Variants in KCP observed in about 807,000 individuals in gnomAD.
KCP encodes kielin cysteine rich BMP regulator.
In KCP, 194 loss-of-function variants were observed where a neutral mutation model predicts 212.7. The observed-to-expected ratio is 0.91, with a 90% CI of 0.81 to 1.03. The LOEUF is 1.03. KCP is among the 50% of genes least tolerant of loss of function. The probability of loss-of-function intolerance (pLI) is 0.00; values close to 1 mark genes in which losing one functional copy is unlikely to be tolerated. For synonymous variants in KCP, 833 were observed against 865.3 expected, an observed-to-expected ratio of 0.96 and a Z score of 0.65; for missense variants, 2,080 against 2,162.5, an observed-to-expected ratio of 0.96 and a Z score of 0.76.
chr7:128,908,791 T>A (rs1337167812), intron 1 of KCP, among the ~76,000 whole-genome samples: 1 of 152,102 alleles, frequency 6.6e-6, no homozygotes, highest in East Asian at 1.9e-4. Context: ...GGGTCTGGGG[T>A]CTGGCTGAGA....
Position 128,880,434 on chromosome 7 carries a change from G to C in KCP, c.3711C>G (p.Gly1237=). 6.5e-7 allele frequency: 1 copy of C among 1,546,854 alleles called. No individual in the cohort carries two copies. Among genetic ancestry groups the C allele is most frequent in the East Asian group, 2.5e-5 (1 of 40,772 alleles). ...DTCTSCSCMA[G]TVRCQSQRCS... ...AGCGCTGGCTCTGGCAACGCACGGT[G>C]CCCGCCATGCAGGAGCAGCTGGTGC... The change falls in exon 34 of 40, where the codon GGC becomes GGG. Residue 1237 remains glycine, a synonymous_variant. Coordinates refer to ENST00000610776, the MANE Select transcript of KCP (RefSeq NM_001366122.1).
intron 37 of KCP, chr7:128,879,068 A>T (rs993391083): frequency 5.4e-6 from 2 of 373,082 alleles, no homozygotes; most frequent in Admixed American, 4.2e-5. Flanking sequence ...AGGACAAAGC[A>T]CAATTAGGGT....
intron 16 of KCP, 131 bp downstream of exon 16, chr7:128,892,380 GTTC>G (rs1459060670): frequency 7.3e-6 from 5 of 682,574 alleles, no homozygotes; most frequent in Non-Finnish European, 1.2e-5. Flanking sequence ...GTTCCAGAGA[GTTC>G]TAAGCTCTGA....
chr7:128,903,908 G>C (rs1794988684), intron 6 of KCP, 88 bp from the exon 7 acceptor site: 4 of 1,388,248 alleles, frequency 2.9e-6, no homozygotes, highest in Non-Finnish European at 4.0e-6. Context: ...GGAGGAGGGG[G>C]GCACAGGGCA....
intron 22 of KCP, 151 bp downstream of exon 22, chr7:128,888,712 G>A: frequency 5.5e-6 from 4 of 728,742 alleles, no homozygotes; most frequent in Non-Finnish European, 8.9e-6. Flanking sequence ...AGCCGTGCCC[G>A]GGACCTCTAT....
Position 128,893,398 on chromosome 7 carries a change from G to A in KCP, c.1178C>T (p.Ser393Phe), listed in dbSNP as rs1794303860. 2 of 1,551,678 alleles carry A rather than the reference G, an allele frequency of 1.3e-6. No homozygotes were observed. Among genetic ancestry groups the A allele is most frequent in the Middle Eastern group, 1.7e-4 (1 of 5,992 alleles). ...AGCGGAGGGACCGCCTACCTGGCAGGAGCAGCGGACACAGAGGCCCCGCTC... is the reference window on the plus strand; with the variant it reads ...AGCGGAGGGACCGCCTACCTGGCAGAAGCAGCGGACACAGAGGCCCCGCTC... ...LQERGLCVRC[S>F]CQAGEVSCEE... The change falls in exon 12 of 40, where the codon TCC becomes TTC. Residue 393 changes from serine (S) to phenylalanine (F), a missense_variant. By Grantham distance (155) the Ser-to-Phe change is radical (BLOSUM62 -2). Transcript: ENST00000610776.
intron 8 of KCP, among the ~76,000 whole-genome samples, chr7:128,901,325 T>A (rs78066406): frequency 0.072 from 11,019 of 152,248 alleles, 1,091 homozygotes; most frequent in African/African-American, 0.22. Flanking sequence ...ATTCCTCTAC[T>A]TTCTTAATAA....
intron 1 of KCP, among the ~76,000 whole-genome samples, chr7:128,909,393 A>G (rs1244575955): frequency 1.3e-5 from 2 of 152,172 alleles, no homozygotes; most frequent in South Asian, 2.1e-4. Context: ...TCTCACAGAC[A>G]CTAGGCCTGT....
At chr7:128,902,745 G>C (rs1794923810) in intron 8 of KCP, 32 bp downstream of exon 8, 1 of 1,538,094 alleles carries the variant, frequency 6.5e-7, no homozygotes. Context: ...GGGCAGGGAG[G>C]GGGACAGACC....
At chr7:128,908,005 T>C (rs1266010697) in intron 2 of KCP, among the ~76,000 whole-genome samples, 1 of 151,698 alleles carries the variant, frequency 6.6e-6, no homozygotes, top group Admixed American at 6.6e-5. Context: ...GGTGCACACT[T>C]GTAGTCCCAA....
In KCP at chr7:128,883,530, C is replaced by T. The variant is rs547321855; in HGVS notation, c.3244+472G>A. Reference sequence around the variant, plus strand: ...TAGGACCAGAAACAGAAAAAAATTCCCTCCACAACAAATGTAAAATGGCTG... The same window carrying T: ...TAGGACCAGAAACAGAAAAAAATTCTCTCCACAACAAATGTAAAATGGCTG... On this transcript the variant is annotated intron_variant, in intron 29 of 39. Coordinates refer to ENST00000610776, the MANE Select transcript of KCP (RefSeq NM_001366122.1). 7.2e-5 allele frequency among the ~76,000 whole-genome samples: 11 copies of T among 152,238 alleles called. No individual in the cohort carries two copies. In the East Asian group the frequency reaches 1.7e-3, roughly 24 times the overall value.
Position 128,908,431 on chromosome 7 carries a change from C to A in KCP, c.214G>T (p.Glu72Ter). 1 of 1,551,412 alleles carries A rather than the reference C, an allele frequency of 6.4e-7. No individual in the cohort carries two copies. Residue 72 changes from glutamate to a stop codon, truncating the protein, a stop_gained, in exon 2 of 40, where the codon GAA becomes TAA. Coordinates refer to ENST00000610776, the MANE Select transcript of KCP (RefSeq NM_001366122.1). LOFTEE classifies it high-confidence loss of function. ...CAGCACTGTCTCCATGGTACCTGTT[C>A]TCTGAGCTCCATCACTGCAGCCTCC... ...RLEAAVMELR[E>*]QNKDLQTRVR...
chr7:128,894,425 A>G (rs985570655), intron 8 of KCP, 132 bp from the exon 9 acceptor site: 3 of 674,454 alleles, frequency 4.4e-6, no homozygotes, highest in Admixed American at 6.1e-5. Flanking sequence ...CCCCAAATCC[A>G]TATGTTGAAC....
intron 6 of KCP, 84 bp downstream of exon 6, chr7:128,903,972 C>G: frequency 7.2e-7 from 1 of 1,395,948 alleles, no homozygotes; most frequent in Non-Finnish European, 9.9e-7. Context: ...TGTGAGGGGG[C>G]TGGAGGAGTG....
Position 128,886,169 on chromosome 7 carries a change from G to A in KCP, c.2866+295C>T, listed in dbSNP as rs1034981573. Among the ~76,000 whole-genome samples the A allele has an allele frequency of 3.9e-5, 6 of 152,330 alleles. 1 individual carries two copies. The highest frequency in any genetic ancestry group is 1.4e-4 in the African/African-American group (6 of 41,572). On this transcript the variant is annotated intron_variant, in intron 26 of 39. Transcript: ENST00000610776. ...TGCAGCCTCAAACTCCTGGGTTCAA[G>A]TGATCCTCCCACCTTGGCCTCCCAA...
At chr7:128,878,287 A>T (rs1000680947) in intron 38 of KCP, among the ~76,000 whole-genome samples, 2 of 151,750 alleles carry the variant, frequency 1.3e-5, no homozygotes, top group Admixed American at 6.6e-5. Context: ...CAAACTCCCA[A>T]CCTCAGGTGA....
At chr7:128,889,187 G>A (rs1473760505) in intron 21 of KCP, 148 bp from the exon 22 acceptor site, 5 of 366,616 alleles carry the variant, frequency 1.4e-5, no homozygotes, top group Non-Finnish European at 2.2e-5. Flanking sequence ...AAGCCCAGGG[G>A]GCAAAGCAGT....
intron 21 of KCP, chr7:128,889,801 T>C (rs1585216618): frequency 6.5e-6 from 1 of 153,332 alleles, no homozygotes; most frequent in Non-Finnish European, 1.5e-5. Context: ...ACAGGGGGAC[T>C]GGGGGACTGG....
intron 29 of KCP, 42 bp from the exon 30 acceptor site, chr7:128,882,058 C>T (rs1257747534): frequency 6.8e-7 from 1 of 1,472,106 alleles, no homozygotes; most frequent in Non-Finnish European, 9.3e-7. Context: ...GAAAGAGGGG[C>T]ACAGGGCTGG....
Sources: gnomAD v4.1 joint callset for allele counts (sites outside exome capture counted in the v4.1 genomes callset) on GRCh38, gnomAD v4.1.1 for gene constraint, MANE v1.5 for transcripts, NCBI Gene and HGNC (gene_info 2026-07-23, HGNC 2026-07-21) for gene names.